FANCD2OS: variants seen among roughly 807,000 people sequenced by gnomAD.
FANCD2OS encodes the protein FANCD2 opposite strand.
A neutral mutation model predicts 13.2 loss-of-function variants in FANCD2OS; 11 were observed. That is an observed-to-expected ratio of 0.83 (90% CI 0.52 to 1.38). The LOEUF is 1.38. FANCD2OS is among the 40% of genes most tolerant of loss of function. The pLI is 0.00. For missense variants in FANCD2OS, 217 were observed against 213.9 expected, an observed-to-expected ratio of 1.01 and a Z score of -0.09; for synonymous variants, 69 against 84.5, an observed-to-expected ratio of 0.82 and a Z score of 1.01.
chr3:10,094,957 C>T (rs979294336), intron 2 of FANCD2OS: 5 of 529,300 alleles, frequency 9.4e-6, no homozygotes, highest in South Asian at 8.6e-5. Context: ...GACATGGTAA[C>T]CTATGTAAAA....
intron 2 of FANCD2OS, chr3:10,085,777 A>C: frequency 7.2e-7 from 1 of 1,390,072 alleles, no homozygotes; most frequent in Non-Finnish European, 1.0e-6. Flanking sequence ...GTTTTCCAGA[A>C]ACTAAGCTAA....
intron 2 of FANCD2OS, chr3:10,088,584 T>C: frequency 7.3e-7 from 1 of 1,361,244 alleles, no homozygotes; most frequent in Non-Finnish European, 1.1e-6. Context: ...ATAGCTTTTT[T>C]CTATTTTGCT....
At chr3:10,088,716 A>G (rs1346776901) in intron 2 of FANCD2OS, 7 of 1,244,122 alleles carry the variant, frequency 5.6e-6, no homozygotes, top group Non-Finnish European at 7.1e-6. Context: ...GTTCTGTTTT[A>G]TACTGTTAGC....
downstream of FANCD2OS, chr3:10,101,466 A>C (rs534184551): frequency 3.4e-4 from 179 of 520,944 alleles, no homozygotes; most frequent in African/African-American, 3.1e-3. Flanking sequence ...GCTCACTGCA[A>C]CCTCCATCTC....
downstream of FANCD2OS, chr3:10,101,314 T>G (rs1695286075): frequency 1.5e-6 from 2 of 1,367,982 alleles, no homozygotes; most frequent in Non-Finnish European, 2.1e-6. Flanking sequence ...CTGTGATCAT[T>G]TTGTGTTAGA....
At chr3:10,090,243 C>G (rs753435096) in intron 2 of FANCD2OS, 1 of 1,382,330 alleles carries the variant, frequency 7.2e-7, no homozygotes, top group Admixed American at 1.7e-5. Context: ...CCAGGTAGTT[C>G]TAAGCAGTGC....
intron 1 of FANCD2OS, among the ~76,000 whole-genome samples, chr3:10,105,765 AAAAAAATT>A (rs1695460895): frequency 2.7e-4 from 17 of 62,666 alleles, no homozygotes; most frequent in African/African-American, 1.4e-3. Flanking sequence ...AAAAAAAAAA[AAAAAAATT>A]ATATATATAT....
Position 10,104,543 on chromosome 3 carries a change from CT to C in FANCD2OS, c.231del (p.Glu78SerfsTer5). 6.2e-7 allele frequency: 1 copy of C among 1,614,224 alleles called. No individual in the cohort carries two copies. Among genetic ancestry groups the C allele is most frequent in the East Asian group, 2.2e-5 (1 of 44,886 alleles). ...GVSPKLPCHT[S>X]ELRTMNNKGL... ...CCTTTGTTGTTCATCGTGCGCAACT[CT>C]GATGTGTGGCAGGGTAACTTGGGAC... On this transcript the variant is annotated frameshift_variant, in exon 2 of 2. Transcript: ENST00000450660. LOFTEE classifies it high-confidence loss of function.
At chr3:10,086,383 C>A (rs1017467215) in intron 2 of FANCD2OS, among the ~76,000 whole-genome samples, 2 of 152,182 alleles carry the variant, frequency 1.3e-5, no homozygotes, top group African/African-American at 4.8e-5. Flanking sequence ...CCCCCTCCCC[C>A]TTCAGTCAGA....
chr3:10,092,355 T>C lies in FANCD2OS; in HGVS notation c.*44-10824A>G, dbSNP rs944251266. On this transcript the variant is annotated intron_variant, in intron 2 of 2. Coordinates refer to the FANCD2OS transcript ENST00000524279. ...CCTTGCTCCTCTTCCCACTCTTCCT[T>C]GGGGCCTGCTCTCCCTGAGTCGTCT... is the stretch of plus-strand genomic sequence containing the variant. The C allele has an allele frequency of 1.2e-4, 108 of 883,122 alleles. 1 individual carries two copies. Among genetic ancestry groups the C allele is most frequent in the Non-Finnish European group, 1.9e-4 (101 of 522,596 alleles). 54.7% of individuals were successfully genotyped at this position (883,122 alleles called of 1,614,324 possible). A position where few individuals can be genotyped will look rare whatever the true frequency, so the allele number is the denominator to read the frequency against.
chr3:10,104,648 G>T lies in FANCD2OS; in HGVS notation c.127C>A (p.Pro43Thr). The part of the protein sequence containing the change: ...FKASPCFPHT[P>T]SDLEVQLCFQ... The stretch of plus-strand genomic sequence containing the variant: ...CACAGCTGCACTTCAAGGTCGGACG[G>T]TGTGTGTGGGAAGCAGGGGGAGGCC... Residue 43 changes from proline (P) to threonine (T), a missense_variant, in exon 2 of 2, where the codon CCG (proline) becomes ACG (threonine). Physicochemically the swap from Pro to Thr is conservative, Grantham distance 38. Coordinates refer to ENST00000450660, the MANE Select transcript of FANCD2OS (RefSeq NM_001164839.2). 3 of 1,614,204 alleles carry T rather than the reference G, an allele frequency of 1.9e-6. No homozygotes were observed. The highest frequency in any genetic ancestry group is 2.5e-6 in the Non-Finnish European group (3 of 1,180,044).
downstream of FANCD2OS, chr3:10,101,353 C>T: frequency 1.4e-6 from 1 of 737,602 alleles, no homozygotes; most frequent in Non-Finnish European, 2.4e-6. Context: ...GCCTTTCTTA[C>T]TGGTAGGATC....
chr3:10,087,198 C>G, intron 2 of FANCD2OS: 1 of 1,613,152 alleles, frequency 6.2e-7, no homozygotes, highest in Non-Finnish European at 8.5e-7. Context: ...TGCTCTTTAT[C>G]TCATCAGACT....
At chr3:10,089,115 T>G (rs1301957886) in intron 2 of FANCD2OS, among the ~76,000 whole-genome samples, 1 of 152,068 alleles carries the variant, frequency 6.6e-6, no homozygotes, top group African/African-American at 2.4e-5. Context: ...TGAAACCCTG[T>G]CCCTACTAAA....
chr3:10,092,636 C>G (rs6807485), intron 2 of FANCD2OS, among the ~76,000 whole-genome samples: 18,423 of 149,890 alleles, frequency 0.12, 1,700 homozygotes, highest in African/African-American at 0.26. Context: ...TTTTGCTCAG[C>G]TTGTTCCCCC....
intron 2 of FANCD2OS, among the ~76,000 whole-genome samples, chr3:10,093,007 T>G (rs899029139): frequency 3.3e-5 from 5 of 152,170 alleles, no homozygotes; most frequent in Non-Finnish European, 7.3e-5. Flanking sequence ...CAGTCTTTCT[T>G]AAGTCTTCAG....
chr3:10,099,388 C>A, downstream of FANCD2OS: 1 of 1,086,984 alleles, frequency 9.2e-7, no homozygotes, highest in Non-Finnish European at 1.1e-6. Flanking sequence ...TTTTTGAGGC[C>A]AAGGTAGGAG....
At chr3:10,099,349 G>A (rs886057696), downstream of FANCD2OS, 22 of 1,189,456 alleles carry the variant, frequency 1.8e-5, no homozygotes, top group Middle Eastern at 3.6e-4. Flanking sequence ...CATGGCTGGC[G>A]CAGTGGCTCA....
At position 10,093,341 on chromosome 3, in the gene FANCD2OS, C is replaced by T. The variant is rs771646919; in HGVS notation, c.*43+10857G>A. 1.9e-6 allele frequency: 3 copies of T among 1,597,806 alleles called. No homozygotes were observed. The highest frequency in any genetic ancestry group is 1.1e-5 in the South Asian group (1 of 90,764). ...GTTTGAAGGTGAGAGATTTACTGGG[C>T]CCTGTTTCATATTTATTCTTCCTGT... On this transcript the variant is annotated intron_variant, in intron 2 of 2. Transcript: ENST00000524279.
Sources: allele counts gnomAD v4.1 joint callset (sites outside exome capture counted in the v4.1 genomes callset), GRCh38; gene constraint gnomAD v4.1.1; transcripts MANE v1.5; gene names NCBI Gene and HGNC (gene_info 2026-07-23, HGNC 2026-07-21).